Variants in STK33 observed in about 807,000 individuals in gnomAD.
The protein encoded by STK33 is serine/threonine-protein kinase 33.
Under a neutral mutation model 58.0 loss-of-function variants are expected in STK33, and 52 were observed. The ratio of observed to expected loss-of-function variants is 0.90; its 90% CI spans 0.72 to 1.13. STK33 has a LOEUF of 1.13. Among genes scored for constraint, STK33 ranks in the 50% most tolerant of loss-of-function variants. The probability of loss-of-function intolerance (pLI) is 0.00; values close to 1 mark genes in which losing one functional copy is unlikely to be tolerated. For missense variants in STK33, 630 were observed against 604.2 expected (o/e 1.04, Z -0.45); for synonymous variants, 215 against 200.1 (o/e 1.07, Z -0.63).
At chr11:8,495,210 A>G (rs555611170) in intron 1 of STK33, among the ~76,000 whole-genome samples, 1 of 152,360 alleles carries the variant, frequency 6.6e-6, no homozygotes, top group African/African-American at 2.4e-5. Context: ...ACAAAGGGCT[A>G]ATATCCAGAA....
At chr11:8,578,172 T>C (rs1958316985) in intron 1 of STK33, among the ~76,000 whole-genome samples, 1 of 152,156 alleles carries the variant, frequency 6.6e-6, no homozygotes, top group African/African-American at 2.4e-5. Flanking sequence ...TACTTATTTA[T>C]GATTTATCAC....
chr11:8,356,344 G>T, the STK33 span, among the ~76,000 whole-genome samples: 1 of 152,150 alleles, frequency 6.6e-6, no homozygotes, highest in Admixed American at 6.5e-5. Context: ...GGCCTTAGGG[G>T]AAGGGGCTGT....
intron 1 of STK33, among the ~76,000 whole-genome samples, chr11:8,509,116 CAAAAAA>C (rs1161851155): frequency 4.0e-4 from 18 of 45,428 alleles, no homozygotes; most frequent in Non-Finnish European, 2.7e-4. Flanking sequence ...AACTCTGTCT[CAAAAAA>C]AAAAAAAAAA....
At chr11:8,351,367 C>T in the STK33 span, among the ~76,000 whole-genome samples, 1 of 152,244 alleles carries the variant, frequency 6.6e-6, no homozygotes, top group Non-Finnish European at 1.5e-5. Flanking sequence ...TCCACACTTA[C>T]TGTGGCATAC....
chr11:8,397,205 C>T (rs550181892), intron 15 of STK33, among the ~76,000 whole-genome samples: 2 of 152,358 alleles, frequency 1.3e-5, no homozygotes, highest in Non-Finnish European at 2.9e-5. Context: ...AACTGGGAGG[C>T]ACCCCCAAGT....
chr11:8,586,231 A>C (rs1456629870), intron 1 of STK33, among the ~76,000 whole-genome samples: 2 of 151,732 alleles, frequency 1.3e-5, no homozygotes, highest in African/African-American at 4.8e-5. Context: ...AAAAAAAAAA[A>C]AAAAAACACC....
At position 8,413,697 on chromosome 11, in the gene STK33, T is replaced by C; in HGVS notation, c.1147-5A>G. On this transcript the variant is annotated splice_polypyrimidine_tract_variant and splice_region_variant and intron_variant, in intron 14 of 15. Transcript: ENST00000687296. ...CACCGAAGAAAGTTTATTGCCCTAA[T>C]ATTAACAATCAATTTTTGGTGTTAT... 6.2e-7 allele frequency: 1 copy of C among 1,611,366 alleles called. No homozygotes were observed.
intron 14 of STK33, among the ~76,000 whole-genome samples, chr11:8,415,665 T>C (rs555291178): frequency 5.9e-5 from 9 of 152,266 alleles, no homozygotes; most frequent in African/African-American, 2.2e-4. Flanking sequence ...TACCTTGATA[T>C]AGATACCAAA....
At chr11:8,350,369 G>A in the STK33 span, among the ~76,000 whole-genome samples, 146 of 152,302 alleles carry the variant, frequency 9.6e-4, no homozygotes, top group African/African-American at 3.3e-3. Flanking sequence ...AAGTGCACCC[G>A]AGGTGGAGAG....
intron 1 of STK33, among the ~76,000 whole-genome samples, chr11:8,520,913 T>C (rs1204703629): frequency 6.6e-6 from 1 of 152,050 alleles, no homozygotes; most frequent in Non-Finnish European, 1.5e-5. Flanking sequence ...AAAAAGGCCA[T>C]ACTGCACAAG....
At chr11:8,407,221 C>G (rs1358857567) in intron 15 of STK33, among the ~76,000 whole-genome samples, 1 of 151,956 alleles carries the variant, frequency 6.6e-6, no homozygotes, top group Non-Finnish European at 1.5e-5. Context: ...ATATGCTATT[C>G]TTTTATATAT....
At chr11:8,404,417 T>A (rs915108585) in intron 15 of STK33, among the ~76,000 whole-genome samples, 1 of 152,212 alleles carries the variant, frequency 6.6e-6, no homozygotes, top group Admixed American at 6.5e-5. Context: ...AGTTCTCTCT[T>A]GCCACAACCC....
chr11:8,449,489 T>C (rs1945987501), intron 11 of STK33, among the ~76,000 whole-genome samples: 1 of 151,452 alleles, frequency 6.6e-6, no homozygotes, highest in Non-Finnish European at 1.5e-5. Context: ...TGTAGGGACA[T>C]GGATGAAGCG....
chr11:8,427,029 T>C (rs1270157388), intron 14 of STK33, among the ~76,000 whole-genome samples: 1 of 152,150 alleles, frequency 6.6e-6, no homozygotes, highest in African/African-American at 2.4e-5. Flanking sequence ...TTGTGTTTTG[T>C]TTTTGTATTT....
chr11:8,402,196 G>A (rs1240641473), intron 15 of STK33, among the ~76,000 whole-genome samples: 2 of 152,298 alleles, frequency 1.3e-5, no homozygotes, highest in Admixed American at 6.5e-5. Flanking sequence ...ATTCACAATA[G>A]CAAAGACTTG....
intron 1 of STK33, among the ~76,000 whole-genome samples, chr11:8,493,817 C>A (rs1233980842): frequency 6.6e-6 from 1 of 152,088 alleles, no homozygotes; most frequent in Non-Finnish European, 1.5e-5. Flanking sequence ...ATATGTAATC[C>A]ATCACATAAA....
At chr11:8,593,187 C>G (rs1219504375) in intron 1 of STK33, among the ~76,000 whole-genome samples, 2 of 152,210 alleles carry the variant, frequency 1.3e-5, no homozygotes, top group African/African-American at 4.8e-5. Flanking sequence ...CGCGATATAT[C>G]TGCATATCCA....
chr11:8,534,268 T>C (rs1272770593), intron 1 of STK33, among the ~76,000 whole-genome samples: 2 of 148,246 alleles, frequency 1.3e-5, no homozygotes, highest in Non-Finnish European at 3.0e-5. Context: ...AGAGCAAGAC[T>C]GCATCTCAAA....
chr11:8,445,565 G>C (rs1050132462), intron 11 of STK33, among the ~76,000 whole-genome samples: 4 of 152,080 alleles, frequency 2.6e-5, no homozygotes, highest in African/African-American at 9.7e-5. Context: ...TCAATACCTA[G>C]TTTATTGAGA....
Sources: allele counts gnomAD v4.1 joint callset (sites outside exome capture counted in the v4.1 genomes callset), GRCh38; gene constraint gnomAD v4.1.1; transcripts MANE v1.5; gene names NCBI Gene and HGNC (gene_info 2026-07-23, HGNC 2026-07-21).